EIF4G3: variants seen among roughly 807,000 people sequenced by gnomAD.
EIF4G3 encodes eukaryotic translation initiation factor 4 gamma 3.
In EIF4G3, 34 loss-of-function variants were observed where a neutral mutation model predicts 186.4. The ratio of observed to expected loss-of-function variants is 0.18; its 90% CI spans 0.14 to 0.24. The LOEUF (loss-of-function observed/expected upper bound fraction) is 0.24, where lower values mean the gene tolerates loss of function less well. EIF4G3 is among the 10% of genes least tolerant of loss of function. The probability of loss-of-function intolerance (pLI) is 1.00; values close to 1 mark genes in which losing one functional copy is unlikely to be tolerated. For synonymous variants in EIF4G3, 673 were observed against 679.5 expected, an observed-to-expected ratio of 0.99 and a Z score of 0.15; for missense variants, 1,536 against 1,948.5, an observed-to-expected ratio of 0.79 and a Z score of 3.99.
At chr1:20,906,974 A>G (rs922177552) in intron 14 of EIF4G3, among the ~76,000 whole-genome samples, 7 of 152,280 alleles carry the variant, frequency 4.6e-5, no homozygotes, top group African/African-American at 1.7e-4. Context: ...GCAGTCAGGA[A>G]GAAAAAGGGA....
At chr1:21,011,518 G>A (rs1373903033) in intron 4 of EIF4G3, among the ~76,000 whole-genome samples, 1 of 152,110 alleles carries the variant, frequency 6.6e-6, no homozygotes, top group African/African-American at 2.4e-5. Context: ...TTTCACTACA[G>A]ATGCATGCAC....
intron 3 of EIF4G3, among the ~76,000 whole-genome samples, chr1:21,075,132 TAAC>T (rs1296221343): frequency 1.3e-5 from 2 of 151,650 alleles, no homozygotes; most frequent in Non-Finnish European, 2.9e-5. Flanking sequence ...AGAAAACAAT[TAAC>T]AAAATGATAG....
intron 18 of EIF4G3, among the ~76,000 whole-genome samples, chr1:20,889,995 C>CA (rs2085482427): frequency 2.6e-5 from 4 of 151,152 alleles, no homozygotes; most frequent in Non-Finnish European, 5.9e-5. Flanking sequence ...TTTTTTTAGA[C>CA]AGAGTCTTGC....
intron 2 of EIF4G3, among the ~76,000 whole-genome samples, chr1:21,110,821 C>T (rs879442700): frequency 3.9e-5 from 6 of 152,294 alleles, no homozygotes; most frequent in East Asian, 1.9e-4. Flanking sequence ...CCCACCTCAG[C>T]GTCCCAAAGT....
chr1:20,837,534 A>G (rs2154548831), intron 30 of EIF4G3, among the ~76,000 whole-genome samples: 1 of 152,278 alleles, frequency 6.6e-6, no homozygotes, highest in South Asian at 2.1e-4. Context: ...TCCCAGAGTT[A>G]TCATTGGCTT....
chr1:21,109,789 A>G (rs1462014990), intron 2 of EIF4G3, among the ~76,000 whole-genome samples: 2 of 151,934 alleles, frequency 1.3e-5, no homozygotes, highest in African/African-American at 2.4e-5. Flanking sequence ...GACTGTAACA[A>G]ATTTTTTATT....
chr1:21,122,991 A>C (rs60479746), intron 2 of EIF4G3, among the ~76,000 whole-genome samples: 43 of 152,326 alleles, frequency 2.8e-4, no homozygotes, highest in African/African-American at 1.0e-3. Flanking sequence ...ATCCAATCCC[A>C]ATAAAAAGTA....
At chr1:21,157,431 G>A (rs1384174944) in intron 2 of EIF4G3, among the ~76,000 whole-genome samples, 1 of 151,828 alleles carries the variant, frequency 6.6e-6, no homozygotes, top group African/African-American at 2.4e-5. Context: ...GAGTGCAGTG[G>A]TATGATCACA....
chr1:20,857,532 T>C (rs1268450756), intron 24 of EIF4G3, 35 bp from the exon 25 acceptor site: 2 of 1,549,380 alleles, frequency 1.3e-6, no homozygotes, highest in South Asian at 2.2e-5. Flanking sequence ...CTCTCATCTG[T>C]CTCAAGTCAG....
chr1:21,095,437 G>A (rs1390617095), intron 2 of EIF4G3, among the ~76,000 whole-genome samples: 1 of 152,130 alleles, frequency 6.6e-6, no homozygotes, highest in Non-Finnish European at 1.5e-5. Context: ...TCACTCACCA[G>A]AGTAGCTGGG....
At chr1:21,107,555 A>G (rs182749035) in intron 2 of EIF4G3, among the ~76,000 whole-genome samples, 12 of 152,360 alleles carry the variant, frequency 7.9e-5, no homozygotes, top group Admixed American at 6.5e-4. Context: ...GAGGTTCCAG[A>G]GCAGGGGTCT....
intron 3 of EIF4G3, among the ~76,000 whole-genome samples, chr1:21,088,436 G>A (rs980697813): frequency 2.7e-5 from 4 of 147,150 alleles, no homozygotes; most frequent in African/African-American, 9.9e-5. Context: ...TAAAAAAAAA[G>A]TGTTCACTCT....
At chr1:20,872,790 C>T (rs953775570) in intron 20 of EIF4G3, among the ~76,000 whole-genome samples, 4 of 145,656 alleles carry the variant, frequency 2.7e-5, no homozygotes, top group African/African-American at 1.0e-4. Context: ...ATGATCTCAG[C>T]TCACTGCAAC....
intron 2 of EIF4G3, among the ~76,000 whole-genome samples, chr1:21,136,773 T>C (rs2097253702): frequency 6.6e-6 from 1 of 152,110 alleles, no homozygotes; most frequent in Non-Finnish European, 1.5e-5. Flanking sequence ...TCATTCTGAT[T>C]CTTTCTGAAA....
chr1:21,158,169 CTTTTTTT>C (rs71014163), intron 2 of EIF4G3, among the ~76,000 whole-genome samples: 7 of 99,514 alleles, frequency 7.0e-5, no homozygotes, highest in Admixed American at 1.1e-4. Context: ...AAATACATAG[CTTTTTTT>C]TTTTTTTTTT....
chr1:20,984,951 T>C (rs1013853457), intron 7 of EIF4G3, among the ~76,000 whole-genome samples: 4 of 152,180 alleles, frequency 2.6e-5, no homozygotes, highest in South Asian at 4.1e-4. Context: ...TAACAGGTCA[T>C]AAGATATATG....
chr1:21,088,984 T>C (rs1164373866), intron 3 of EIF4G3, among the ~76,000 whole-genome samples, 154 bp downstream of exon 3: 1 of 152,232 alleles, frequency 6.6e-6, no homozygotes, highest in Non-Finnish European at 1.5e-5. Flanking sequence ...TAGATTAAGA[T>C]GATATGGAAA....
At chr1:20,862,882 C>T (rs2076665485) in intron 22 of EIF4G3, among the ~76,000 whole-genome samples, 1 of 152,096 alleles carries the variant, frequency 6.6e-6, no homozygotes, top group Admixed American at 6.5e-5. Flanking sequence ...TTAAGTGATC[C>T]TCCTGCCTCA....
In EIF4G3 at chr1:20,935,585, C is replaced by T. The variant is rs576975960; in HGVS notation, c.1663+5906G>A. Among the ~76,000 whole-genome samples the T allele has an allele frequency of 1.8e-4, 28 of 152,218 alleles. 2 individuals are homozygous for T. In the South Asian group the frequency reaches 4.3e-3, roughly 24 times the overall value. On this transcript the variant is annotated intron_variant, in intron 14 of 36. Transcript: ENST00000602326. ...TTTTTAAGGATACATAATAGTCATA[C>T]GTATTTGTGGGGTACATGTGATATT...
Sources: allele counts gnomAD v4.1 joint callset (sites outside exome capture counted in the v4.1 genomes callset), GRCh38; gene constraint gnomAD v4.1.1; transcripts MANE v1.5; gene names NCBI Gene and HGNC (gene_info 2026-07-23, HGNC 2026-07-21).